Variants in ANAPC1 observed in about 807,000 individuals in gnomAD.
ANAPC1 encodes anaphase-promoting complex subunit 1.
ANAPC1 carries 36 observed loss-of-function variants against 208.0 expected under a neutral mutation model. That is an observed-to-expected ratio of 0.17 (90% CI 0.13 to 0.23). ANAPC1 has a LOEUF of 0.23. Ranked by LOEUF, ANAPC1 falls within the 10% of genes least tolerant of loss-of-function variation. ANAPC1 has a pLI of 1.00. For missense variants in ANAPC1, 942 were observed against 2,011.6 expected (o/e 0.47, Z 10.17); for synonymous variants, 378 against 695.2 (o/e 0.54, Z 7.18).
intron 24 of ANAPC1, among the ~76,000 whole-genome samples, chr2:111,823,188 A>AT (rs539443312): frequency 0.04 from 5,742 of 145,134 alleles, 250 homozygotes; most frequent in African/African-American, 0.1. Flanking sequence ...TTTTTTTGTA[A>AT]TTTTTTTTTT....
intron 3 of ANAPC1, among the ~76,000 whole-genome samples, chr2:111,876,157 AGC>A (rs1683013761): frequency 6.6e-6 from 1 of 152,148 alleles, no homozygotes; most frequent in African/African-American, 2.4e-5. Flanking sequence ...TAGGAGGCCA[AGC>A]CAGGAGGATC....
chr2:111,877,506 A>G (rs1208487505), intron 3 of ANAPC1, among the ~76,000 whole-genome samples: 1 of 152,184 alleles, frequency 6.6e-6, no homozygotes, highest in Non-Finnish European at 1.5e-5. Flanking sequence ...GCTGGGCATG[A>G]TGGCTCACGC....
chr2:111,779,412 A>G (rs1677161514), intron 44 of ANAPC1: 1 of 151,284 alleles, frequency 6.6e-6, no homozygotes, highest in Admixed American at 6.6e-5. Context: ...CTTAATCCTC[A>G]AAACAATACT....
Position 111,880,806 on chromosome 2 carries a change from T to G in ANAPC1, c.20A>C (p.Glu7Ala). 4.3e-6 allele frequency: 7 copies of G among 1,613,884 alleles called. No homozygotes were observed. The highest frequency in any genetic ancestry group is 5.9e-6 in the Non-Finnish European group (7 of 1,179,862). MSNFYEERTTMIAARDL... is the reference protein window; with the variant it reads MSNFYEARTTMIAARDL... ...CCTTGCTGCAATCATCGTTGTCCTT[T>G]CTTCATAGAAGTTCGACATGGGTTC... Residue 7 changes from glutamate to alanine, a missense_variant, in exon 2 of 48, where the codon GAA becomes GCA. Coordinates refer to ENST00000341068, the MANE Select transcript of ANAPC1 (RefSeq NM_022662.4).
At chr2:111,873,728 G>A (rs1361497388) in intron 3 of ANAPC1, 64 bp from the exon 4 acceptor site, 10 of 1,462,672 alleles carry the variant, frequency 6.8e-6, no homozygotes, top group Admixed American at 5.6e-5. Context: ...ATTAACTAAT[G>A]GCATCTAAAT....
At chr2:111,870,045 TATTTC>T (rs533764042) in intron 6 of ANAPC1, among the ~76,000 whole-genome samples, 22 of 152,342 alleles carry the variant, frequency 1.4e-4, no homozygotes, top group African/African-American at 5.3e-4. Flanking sequence ...CAAAAGACAT[TATTTC>T]ATTTCCTCGT....
Position 111,838,527 on chromosome 2 carries a change from CAAAAG to C in ANAPC1, c.2041-20_2041-16del, listed in dbSNP as rs754115329. On this transcript the variant is annotated splice_polypyrimidine_tract_variant and intron_variant, in intron 17 of 47. Transcript: ENST00000341068. The stretch of plus-strand genomic sequence containing the variant: ...TCAAAGTCAAACTGAAAAGTAACCC[CAAAAG>C]AAAAGATAAAAATCGTAAATGCATT... The C allele has an allele frequency of 1.3e-6, 2 of 1,585,640 alleles. No individual in the cohort carries two copies. The highest frequency in any genetic ancestry group is 1.8e-5 in the Admixed American group (1 of 54,408).
chr2:111,848,664 C>A (rs1232460572), intron 14 of ANAPC1, among the ~76,000 whole-genome samples: 1 of 151,272 alleles, frequency 6.6e-6, no homozygotes, highest in Non-Finnish European at 1.5e-5. Context: ...GTAGTCCCAG[C>A]TATTTGGGAG....
intron 16 of ANAPC1, among the ~76,000 whole-genome samples, chr2:111,846,527 A>G (rs1335314375): frequency 2.6e-5 from 3 of 115,430 alleles, no homozygotes; most frequent in Non-Finnish European, 1.7e-5. Context: ...CCATATATAT[A>G]CATATACATA....
chr2:111,842,986 A>G lies in ANAPC1; in HGVS notation c.2040+426T>C, dbSNP rs533798073. ...CCTTCCTCTTCACATCCCAAGCAAT[A>G]TGTGTGTAAAAAGACAATCTTGTCT... is the stretch of plus-strand genomic sequence containing the variant. On this transcript the variant is annotated intron_variant, in intron 17 of 47. Coordinates refer to ENST00000341068, the MANE Select transcript of ANAPC1 (RefSeq NM_022662.4). 2.6e-5 allele frequency among the ~76,000 whole-genome samples: 4 copies of G among 152,334 alleles called. No homozygotes were observed. The East Asian group carries it at 7.7e-4, about 29-fold the overall frequency.
chr2:111,825,733 A>G (rs1413952037), intron 22 of ANAPC1, 44 bp downstream of exon 22: 1 of 1,582,290 alleles, frequency 6.3e-7, no homozygotes, highest in Non-Finnish European at 8.6e-7. Flanking sequence ...TGATACTGAC[A>G]TTTACAAAAA....
intron 7 of ANAPC1, 102 bp from the exon 8 acceptor site, chr2:111,865,053 A>C (rs1682331596): frequency 8.0e-7 from 1 of 1,254,944 alleles, no homozygotes; most frequent in African/African-American, 1.5e-5. Context: ...AGAACAACCA[A>C]GCCAAAGAGA....
chr2:111,867,469 T>A (rs1342234347), intron 7 of ANAPC1, among the ~76,000 whole-genome samples: 1 of 151,976 alleles, frequency 6.6e-6, no homozygotes, highest in African/African-American at 2.4e-5. Flanking sequence ...GGTGGGTGGA[T>A]CACCTGAAGT....
chr2:111,818,425 C>CA lies in ANAPC1; in HGVS notation c.3325+414dup, dbSNP rs1434843600. ...GAAGAGTGGGAGTACTGCAAGCGACCATTGTTTCTCTTTTTGCTTAGTACA... is the reference window on the plus strand; with the variant it reads ...GAAGAGTGGGAGTACTGCAAGCGACCAATTGTTTCTCTTTTTGCTTAGTACA... On this transcript the variant is annotated intron_variant, in intron 27 of 47. Transcript: ENST00000341068. Among the ~76,000 whole-genome samples, 24 of 152,014 alleles carry CA rather than the reference C, an allele frequency of 1.6e-4. No homozygotes were observed. The South Asian group carries it at 2.5e-3, about 16-fold the overall frequency.
At chr2:111,776,053 T>C (rs1676992097) in intron 46 of ANAPC1, among the ~76,000 whole-genome samples, 1 of 149,228 alleles carries the variant, frequency 6.7e-6, no homozygotes. Flanking sequence ...AGTTTTAAAC[T>C]CAATTATATT....
chr2:111,809,767 TGGA>T (rs1378699263), intron 28 of ANAPC1, among the ~76,000 whole-genome samples: 1 of 148,032 alleles, frequency 6.8e-6, no homozygotes, highest in East Asian at 2.0e-4. Context: ...AGAATGAGGC[TGGA>T]CTCAACACAA....
At chr2:111,864,462 A>ATATAAT (rs1553434779) in intron 8 of ANAPC1, among the ~76,000 whole-genome samples, 2 of 32,372 alleles carry the variant, frequency 6.2e-5, no homozygotes, top group South Asian at 1.7e-3. Context: ...ATATATATAT[A>ATATAAT]CTTTTTTTTT....
chr2:111,877,049 GCTGA>G (rs1269843637), intron 3 of ANAPC1, among the ~76,000 whole-genome samples: 14 of 151,282 alleles, frequency 9.3e-5, no homozygotes, highest in African/African-American at 2.7e-4. Flanking sequence ...GAATGGGAAT[GCTGA>G]CTGTTTAAAA....
rs1224733777 is a variant in ANAPC1 at position 111,866,723 on chromosome 2, CA to C, written c.685+1299del. On this transcript the variant is annotated intron_variant, in intron 7 of 47. Coordinates refer to ENST00000341068, the MANE Select transcript of ANAPC1 (RefSeq NM_022662.4). ...TGGGTAACAAAGCGAGACTCCGTCT[CA>C]AAAAAAAAAAAAATGAAAATAAAAC... Among the ~76,000 whole-genome samples, 119 of 70,866 alleles carry C rather than the reference CA, an allele frequency of 1.7e-3. 1 individual carries two copies. The highest frequency in any genetic ancestry group is 2.1e-3 in the Admixed American group (13 of 6,154). 46.5% of individuals were successfully genotyped at this position (70,866 alleles called of 152,430 possible).
Sources: allele counts gnomAD v4.1 joint callset (sites outside exome capture counted in the v4.1 genomes callset), GRCh38; gene constraint gnomAD v4.1.1; transcripts MANE v1.5; gene names NCBI Gene and HGNC (gene_info 2026-07-23, HGNC 2026-07-21).